MAP4K5: variants seen among roughly 807,000 people sequenced by gnomAD.
MAP4K5 encodes mitogen-activated protein kinase kinase kinase kinase 5.
In MAP4K5, 82 loss-of-function variants were observed where a neutral mutation model predicts 135.6. The observed-to-expected ratio is 0.60, with a 90% CI of 0.51 to 0.73. The LOEUF (loss-of-function observed/expected upper bound fraction) is 0.73. Among genes scored for constraint, MAP4K5 ranks in the 30% least tolerant of loss-of-function variants. The pLI is 0.00. For synonymous variants in MAP4K5, 347 were observed against 335.0 expected (o/e 1.04, Z -0.39); for missense variants, 907 against 1,010.9 (o/e 0.90, Z 1.39).
At chr14:50,515,729 A>G (rs1424502415) in intron 2 of MAP4K5, among the ~76,000 whole-genome samples, 1 of 152,152 alleles carries the variant, frequency 6.6e-6, no homozygotes, top group East Asian at 1.9e-4. Context: ...CTCTTGCTTC[A>G]AACTTTCAAT....
At chr14:50,479,117 T>A (rs1484425572) in intron 6 of MAP4K5, among the ~76,000 whole-genome samples, 2 of 151,674 alleles carry the variant, frequency 1.3e-5, no homozygotes, top group East Asian at 3.9e-4. Flanking sequence ...TTCAGCCATC[T>A]CCCCTTTTCA....
intron 9 of MAP4K5, among the ~76,000 whole-genome samples, chr14:50,471,109 C>A (rs1221393140): frequency 1.3e-5 from 2 of 152,020 alleles, no homozygotes; most frequent in African/African-American, 4.8e-5. Context: ...CACAGATCAA[C>A]CCATCACCTT....
intron 28 of MAP4K5, among the ~76,000 whole-genome samples, chr14:50,433,528 A>T (rs1359220555): frequency 6.6e-6 from 1 of 152,178 alleles, no homozygotes; most frequent in Non-Finnish European, 1.5e-5. Flanking sequence ...GTTCATACTG[A>T]TTCTTATGTT....
intron 21 of MAP4K5, among the ~76,000 whole-genome samples, chr14:50,442,522 C>T (rs974064705): frequency 6.6e-6 from 1 of 151,992 alleles, no homozygotes; most frequent in Non-Finnish European, 1.5e-5. Context: ...TCTCTTTAGT[C>T]CTTTAATCAA....
chr14:50,437,402 C>T lies in MAP4K5; in HGVS notation c.1882+74G>A, dbSNP rs540478307. On this transcript the variant is annotated intron_variant, in intron 26 of 32. Transcript: ENST00000682126. ...ACCTACCCTCCTTCCTATTTGATTC[C>T]ATACGACTCTTCAGATAATTATAAA... 5 of 1,171,202 alleles carry T rather than the reference C, an allele frequency of 4.3e-6. No individual in the cohort carries two copies. The East Asian group carries it at 1.3e-4, about 30-fold the overall frequency. The allele number at this position is 1,171,202 out of a possible 1,614,324, so 72.6% of individuals were successfully genotyped here.
intron 1 of MAP4K5, among the ~76,000 whole-genome samples, chr14:50,557,434 A>G (rs2038777868): frequency 6.6e-6 from 1 of 152,126 alleles, no homozygotes; most frequent in African/African-American, 2.4e-5. Context: ...TCCTTTTTCC[A>G]GGAATGGTAT....
intron 2 of MAP4K5, among the ~76,000 whole-genome samples, chr14:50,507,402 T>A (rs1369703576): frequency 6.6e-6 from 1 of 152,200 alleles, no homozygotes; most frequent in African/African-American, 2.4e-5. Flanking sequence ...AGCTTTTGAA[T>A]GTGTTTGCTC....
At chr14:50,526,236 T>C in intron 2 of MAP4K5, among the ~76,000 whole-genome samples, 1 of 152,340 alleles carries the variant, frequency 6.6e-6, no homozygotes, top group African/African-American at 2.4e-5. Context: ...GAGTTTGGCA[T>C]TTCTTCCACT....
At chr14:50,475,669 T>C (rs1449659831) in intron 8 of MAP4K5, among the ~76,000 whole-genome samples, 2 of 152,190 alleles carry the variant, frequency 1.3e-5, no homozygotes, top group African/African-American at 2.4e-5. Context: ...ACTGAATCAC[T>C]GCACTCCAGC....
intron 2 of MAP4K5, among the ~76,000 whole-genome samples, chr14:50,521,272 C>T (rs932693222): frequency 6.6e-6 from 1 of 152,176 alleles, no homozygotes; most frequent in Admixed American, 6.5e-5. Flanking sequence ...GTCCATAAAT[C>T]CCTCATTTCT....
intron 12 of MAP4K5, among the ~76,000 whole-genome samples, chr14:50,463,716 T>C (rs1240160534): frequency 6.6e-6 from 1 of 151,706 alleles, no homozygotes; most frequent in African/African-American, 2.4e-5. Flanking sequence ...AAACCCTGTC[T>C]CTACTAAAAA....
chr14:50,473,043 A>T (rs921838432), intron 9 of MAP4K5, among the ~76,000 whole-genome samples: 11 of 152,128 alleles, frequency 7.2e-5, no homozygotes, highest in Non-Finnish European at 1.5e-4. Flanking sequence ...ACACCCTTTA[A>T]GTGATAGTAA....
chr14:50,487,523 T>G (rs2037391326), intron 3 of MAP4K5, among the ~76,000 whole-genome samples: 1 of 152,194 alleles, frequency 6.6e-6, no homozygotes, highest in Non-Finnish European at 1.5e-5. Flanking sequence ...AGAAAACCTT[T>G]AAAGATAATC....
upstream of MAP4K5, among the ~76,000 whole-genome samples, chr14:50,537,397 G>A (rs1566703642): frequency 6.6e-6 from 1 of 152,232 alleles, no homozygotes; most frequent in Non-Finnish European, 1.5e-5. Flanking sequence ...CCCTCACGGA[G>A]AACCTCTGCT....
chr14:50,491,281 A>G (rs902181539), intron 3 of MAP4K5, among the ~76,000 whole-genome samples: 1 of 151,850 alleles, frequency 6.6e-6, no homozygotes, highest in Non-Finnish European at 1.5e-5. Flanking sequence ...GTCTATAATT[A>G]TGTGGATAGC....
chr14:50,499,246 G>C (rs2037657143), intron 3 of MAP4K5, among the ~76,000 whole-genome samples: 1 of 152,164 alleles, frequency 6.6e-6, no homozygotes, highest in African/African-American at 2.4e-5. Flanking sequence ...AAGAGTACAG[G>C]AAAATTAAGG....
chr14:50,520,325 C>T (rs1329914660), intron 2 of MAP4K5, among the ~76,000 whole-genome samples: 1 of 152,138 alleles, frequency 6.6e-6, no homozygotes, highest in African/African-American at 2.4e-5. Flanking sequence ...ATGGTGAAAC[C>T]CCATCTCTAC....
intron 2 of MAP4K5, among the ~76,000 whole-genome samples, chr14:50,505,949 T>C (rs1252424606): frequency 2.0e-5 from 3 of 152,184 alleles, no homozygotes; most frequent in East Asian, 1.9e-4. Flanking sequence ...TACCATCAAA[T>C]AGTCTAAAAA....
intron 20 of MAP4K5, 72 bp downstream of exon 20, chr14:50,443,657 T>C: frequency 7.8e-7 from 1 of 1,281,926 alleles, no homozygotes; most frequent in Non-Finnish European, 1.1e-6. Context: ...CTCAAGTATA[T>C]TGATAGCCAA....
Sources: allele counts gnomAD v4.1 joint callset (sites outside exome capture counted in the v4.1 genomes callset), GRCh38; gene constraint gnomAD v4.1.1; transcripts MANE v1.5; gene names NCBI Gene and HGNC (gene_info 2026-07-23, HGNC 2026-07-21).